GABPA: variants seen among roughly 807,000 people sequenced by gnomAD.
GABPA encodes GA-binding protein alpha chain.
In GABPA, 4 loss-of-function variants were observed where a neutral mutation model predicts 59.4. The observed-to-expected ratio is 0.07, with a 90% CI of 0.03 to 0.15. The LOEUF (loss-of-function observed/expected upper bound fraction) is 0.15. Among genes scored for constraint, GABPA ranks in the 10% least tolerant of loss-of-function variants. The pLI, the probability that GABPA is intolerant of heterozygous loss-of-function variation, is 1.00. For missense variants in GABPA, 251 were observed against 543.8 expected, an observed-to-expected ratio of 0.46 and a Z score of 5.36; for synonymous variants, 164 against 183.1, an observed-to-expected ratio of 0.90 and a Z score of 0.84.
At chr21:25,741,173 A>G (rs2035211732) in intron 1 of GABPA, among the ~76,000 whole-genome samples, 1 of 152,190 alleles carries the variant, frequency 6.6e-6, no homozygotes, top group African/African-American at 2.4e-5. Context: ...TGTCGCCCAT[A>G]CTGGAGTGCA....
chr21:25,766,213 A>G (rs2035886287), intron 9 of GABPA, among the ~76,000 whole-genome samples: 1 of 151,994 alleles, frequency 6.6e-6, no homozygotes, highest in South Asian at 2.1e-4. Flanking sequence ...GGGATAATTT[A>G]CTCTCCATCT....
rs901978357 is a variant in GABPA at position 25,741,678 on chromosome 21, T to G, written c.77+3T>G. 2 of 1,595,242 alleles carry G rather than the reference T, an allele frequency of 1.3e-6. No homozygotes were observed. Among genetic ancestry groups the G allele is most frequent in the African/African-American group, 2.7e-5 (2 of 73,952 alleles). On this transcript the variant is annotated splice_donor_region_variant and intron_variant, in intron 2 of 9. Transcript: ENST00000400075. Reference sequence around the variant, plus strand: ...AAAGCAGAGTGCACAGAAGAAAGGTTGGTGTTTCTGAATTTATCATTTTTT... The same window carrying G: ...AAAGCAGAGTGCACAGAAGAAAGGTGGGTGTTTCTGAATTTATCATTTTTT...
chr21:25,749,651 G>C (rs904239409), intron 4 of GABPA, among the ~76,000 whole-genome samples: 1 of 152,206 alleles, frequency 6.6e-6, no homozygotes, highest in Non-Finnish European at 1.5e-5. Context: ...GGCCAACATG[G>C]TGCAACCCCA....
intron 2 of GABPA, among the ~76,000 whole-genome samples, chr21:25,743,854 C>A (rs2035288940): frequency 6.6e-6 from 1 of 151,568 alleles, no homozygotes; most frequent in South Asian, 2.1e-4. Context: ...AGATCGAGAC[C>A]ATCCTGGCCA....
intron 3 of GABPA, among the ~76,000 whole-genome samples, chr21:25,748,230 T>C (rs990292194): frequency 6.6e-6 from 1 of 152,152 alleles, no homozygotes; most frequent in African/African-American, 2.4e-5. Flanking sequence ...TTCTCCCCTG[T>C]TCAAGTTAGA....
At chr21:25,767,201 G>A (rs1342661133) in intron 9 of GABPA, among the ~76,000 whole-genome samples, 1 of 151,888 alleles carries the variant, frequency 6.6e-6, no homozygotes, top group East Asian at 1.9e-4. Flanking sequence ...ATTGGGAGGG[G>A]ACATAAAGGG....
chr21:25,759,604 T>G (rs1161205418), intron 6 of GABPA, among the ~76,000 whole-genome samples: 1 of 152,206 alleles, frequency 6.6e-6, no homozygotes, highest in Non-Finnish European at 1.5e-5. Flanking sequence ...CAGATGTTTT[T>G]TTTAAGTATC....
chr21:25,735,159 C>G lies in GABPA; in HGVS notation c.-446C>G. ...TCTTTTTCCCCTCCTTGAAACCTTG[C>G]TCTGTACGCATGCGCTCTTTGAGTG... On this transcript the variant is annotated 5_prime_UTR_variant, in exon 1 of 10. Coordinates refer to ENST00000400075, the MANE Select transcript of GABPA (RefSeq NM_002040.4). 1.6e-6 allele frequency: 1 copy of G among 639,074 alleles called. No individual in the cohort carries two copies. Among genetic ancestry groups the G allele is most frequent in the Non-Finnish European group, 2.8e-6 (1 of 352,966 alleles). 39.6% of individuals were successfully genotyped at this position (639,074 alleles called of 1,614,324 possible). A position where few individuals can be genotyped will look rare whatever the true frequency, so the allele number is the denominator to read the frequency against.
intron 1 of GABPA, among the ~76,000 whole-genome samples, chr21:25,738,361 A>T (rs954678196): frequency 6.6e-6 from 1 of 152,096 alleles, no homozygotes; most frequent in East Asian, 1.9e-4. Context: ...TCCTTTTCCT[A>T]TGCTTTAACT....
Position 25,752,672 on chromosome 21 carries a change from T to C in GABPA, c.553+438T>C, listed in dbSNP as rs754221397. On this transcript the variant is annotated intron_variant, in intron 5 of 9. Coordinates refer to ENST00000400075, the MANE Select transcript of GABPA (RefSeq NM_002040.4). ...AAGACATTTAAGACAGGAAATGTTA[T>C]GTGCAAAGCTTAGACCTGGGGGTAT... 4.6e-5 allele frequency among the ~76,000 whole-genome samples: 7 copies of C among 152,182 alleles called. 1 individual carries two copies. Among genetic ancestry groups the C allele is most frequent in the African/African-American group, 7.2e-5 (3 of 41,450 alleles).
chr21:25,738,266 C>G (rs1003134361), intron 1 of GABPA, among the ~76,000 whole-genome samples: 1 of 152,120 alleles, frequency 6.6e-6, no homozygotes, highest in Non-Finnish European at 1.5e-5. Context: ...GTGGTAGTTT[C>G]TTGTTTTAAA....
intron 2 of GABPA, among the ~76,000 whole-genome samples, chr21:25,744,913 C>T (rs369928917): frequency 6.6e-6 from 1 of 152,074 alleles, no homozygotes; most frequent in Non-Finnish European, 1.5e-5. Context: ...AATGCAAATG[C>T]AAACATAATG....
intron 2 of GABPA, 77 bp downstream of exon 2, chr21:25,741,752 C>T: frequency 1.2e-6 from 1 of 867,272 alleles, no homozygotes; most frequent in East Asian, 2.7e-5. Context: ...AGTCATAGTT[C>T]TTTTGGACTG....
rs1320444110 is a variant in GABPA, at chr21:25,768,676, T to C, written c.1137-328T>C. Among the ~76,000 whole-genome samples the C allele has an allele frequency of 3.3e-5, 5 of 152,234 alleles. No homozygotes were observed. In the South Asian group the frequency reaches 6.2e-4, roughly 19 times the overall value. ...AATCTTGGCTTTCTGACTCCAAAGC[T>C]CTTGTTCTTAGGCTCTTCTACTGCT... is the stretch of plus-strand genomic sequence containing the variant. On this transcript the variant is annotated intron_variant, in intron 9 of 9. Coordinates refer to ENST00000400075, the MANE Select transcript of GABPA (RefSeq NM_002040.4).
rs2036001913 is a variant in GABPA at position 25,771,147 on chromosome 21, T to G, written c.*1915T>G. 6.6e-6 allele frequency: 1 copy of G among 151,984 alleles called. No individual in the cohort carries two copies. Among genetic ancestry groups the G allele is most frequent in the African/African-American group, 2.4e-5 (1 of 41,436 alleles). 9.4% of individuals were successfully genotyped at this position (151,984 alleles called of 1,614,324 possible). ...TTAAAAAAATAATAAAGTATACCCTTCTGGTATATCATCAAGAGCTTAAGA... is the reference window on the plus strand; with the variant it reads ...TTAAAAAAATAATAAAGTATACCCTGCTGGTATATCATCAAGAGCTTAAGA... On this transcript the variant is annotated 3_prime_UTR_variant, in exon 10 of 10. Transcript: ENST00000400075.
Position 25,758,179 on chromosome 21 carries a change from G to C in GABPA, c.723G>C (p.Trp241Cys), listed in dbSNP as rs917399027. 2 of 1,601,252 alleles carry C rather than the reference G, an allele frequency of 1.2e-6. No individual in the cohort carries two copies. The highest frequency in any genetic ancestry group is 2.7e-5 in the African/African-American group (2 of 74,158). ...FQRVPRGEIL[W>C]SHLELLRKYV... ...GGGTTCCTCGGGGAGAAATTCTCTG[G>C]AGTCATCTGGAACTTCTCCGAAAAT... The change falls in exon 6 of 10, where the codon TGG becomes TGC. Residue 241 changes from tryptophan to cysteine, a missense_variant. Coordinates refer to ENST00000400075, the MANE Select transcript of GABPA (RefSeq NM_002040.4).
intron 2 of GABPA, among the ~76,000 whole-genome samples, chr21:25,743,260 T>C (rs2035271620): frequency 6.6e-6 from 1 of 152,214 alleles, no homozygotes; most frequent in Non-Finnish European, 1.5e-5. Context: ...TTAAGTAATC[T>C]AAGAAGTGAC....
intron 4 of GABPA, among the ~76,000 whole-genome samples, chr21:25,751,704 G>A (rs949280639): frequency 6.6e-5 from 10 of 151,920 alleles, no homozygotes; most frequent in African/African-American, 1.9e-4. Flanking sequence ...TTATTTTATT[G>A]TGGTAAGAAC....
At chr21:25,762,208 G>T (rs2035780315) in intron 6 of GABPA, 104 bp from the exon 7 acceptor site, 1 of 600,264 alleles carries the variant, frequency 1.7e-6, no homozygotes, top group South Asian at 2.5e-5. Context: ...TTTAATTGTG[G>T]AGTTCTTTTT....
Sources: allele counts gnomAD v4.1 joint callset (sites outside exome capture counted in the v4.1 genomes callset), GRCh38; gene constraint gnomAD v4.1.1; transcripts MANE v1.5; gene names NCBI Gene and HGNC (gene_info 2026-07-23, HGNC 2026-07-21).